Variants in NSD1 observed in about 807,000 individuals in gnomAD.
NSD1 encodes the protein nuclear receptor binding SET domain protein 1.
In NSD1, 26 loss-of-function variants were observed where a neutral mutation model predicts 242.7. The observed-to-expected ratio is 0.11, with a 90% confidence interval of 0.08 to 0.15. The LOEUF is 0.15. Ranked by LOEUF, NSD1 falls within the 10% of genes least tolerant of loss-of-function variation. NSD1 has a pLI of 1.00. For synonymous variants in NSD1, 1,106 were observed against 1,178.1 expected (o/e 0.94, Z 1.25); for missense variants, 2,495 against 3,272.8 (o/e 0.76, Z 5.80).
At chr5:177,285,539 G>C (rs1035062998) in intron 20 of NSD1, among the ~76,000 whole-genome samples, 1 of 142,974 alleles carries the variant, frequency 7.0e-6, no homozygotes, top group Admixed American at 7.0e-5. Context: ...ACTCTAGCCC[G>C]GGCAACAGAG....
At chr5:177,164,149 C>CTTTTTTTTTTTTTTTTTTTT (rs56076836) in intron 2 of NSD1, among the ~76,000 whole-genome samples, 2 of 138,392 alleles carry the variant, frequency 1.4e-5, no homozygotes, top group African/African-American at 5.4e-5. Context: ...AAAATGTAAC[C>CTTTTTTTTTTTTTTTTTTTT]TTTTTTTTTT....
Position 177,135,517 on chromosome 5 carries a change from C to A in NSD1, c.414C>A (p.Leu138=). 1.2e-6 allele frequency: 2 copies of A among 1,614,166 alleles called. No homozygotes were observed. The highest frequency in any genetic ancestry group is 1.7e-6 in the Non-Finnish European group (2 of 1,180,036). ...CCTCTTGTAATAACTCCCCTGAACT[C>A]CAGGTAAAAGTAACAAAGACTATCA... ...QEPSCNNSPE[L]QVKVTKTIKN... is the part of the protein sequence containing the mutation. Residue 138 remains leucine, a synonymous_variant, in exon 2 of 23, where the codon CTC becomes CTA. Coordinates refer to ENST00000439151, the MANE Select transcript of NSD1 (RefSeq NM_022455.5).
chr5:177,134,296 C>T lies in NSD1; in HGVS notation c.-18+344C>T, dbSNP rs1263811138. 2 of 152,050 alleles carry T rather than the reference C, an allele frequency of 1.3e-5. No homozygotes were observed. The highest frequency in any genetic ancestry group is 2.9e-5 in the Non-Finnish European group (2 of 67,974). The allele number at this position is 152,050 out of a possible 1,614,324, so 9.4% of individuals were successfully genotyped here. ...GGCTGCCCTCCCGCAGCAAACTTTG[C>T]TTGCTGCTGAATATTGATGAGAGCG... On this transcript the variant is annotated intron_variant, in intron 1 of 22. Transcript: ENST00000439151. This position sits in a 1 kb window ranked among gnomAD's most constrained non-coding sequence, Gnocchi z 4.2.
intron 14 of NSD1, among the ~76,000 whole-genome samples, chr5:177,260,753 C>T (rs1470694638): frequency 6.6e-6 from 1 of 151,262 alleles, no homozygotes; most frequent in African/African-American, 2.4e-5. Context: ...ACAATTGAAG[C>T]AGTAAAGACA....
intron 5 of NSD1, among the ~76,000 whole-genome samples, chr5:177,234,082 A>G (rs1204044642): frequency 6.6e-6 from 1 of 152,222 alleles, no homozygotes; most frequent in African/African-American, 2.4e-5. Flanking sequence ...CACTGATGAT[A>G]ATGAACAAGG....
Position 177,269,331 on chromosome 5 carries a change from TC to T in NSD1, c.5304-269del, listed in dbSNP as rs1258747637. 2.6e-5 allele frequency among the ~76,000 whole-genome samples: 4 copies of T among 152,210 alleles called. No homozygotes were observed. Among genetic ancestry groups the T allele is most frequent in the Non-Finnish European group, 4.4e-5 (3 of 68,024 alleles). On this transcript the variant is annotated intron_variant, in intron 15 of 22. Transcript: ENST00000439151. The surrounding 1 kb of genome is among the most constrained non-coding windows in gnomAD (Gnocchi z 5.1). ...GAATGTTATTGTCATAACTCTCTGT[TC>T]CTATATCATTATTTCCTTTAAGTAG... is the stretch of plus-strand genomic sequence containing the variant.
At chr5:177,161,103 G>C (rs1758712480) in intron 2 of NSD1, among the ~76,000 whole-genome samples, 1 of 152,082 alleles carries the variant, frequency 6.6e-6, no homozygotes, top group Non-Finnish European at 1.5e-5. Context: ...TTGAGTATGG[G>C]CCAGGCATGG....
intron 11 of NSD1, among the ~76,000 whole-genome samples, chr5:177,250,736 T>C (rs1377706442): frequency 1.3e-5 from 2 of 152,214 alleles, no homozygotes; most frequent in Non-Finnish European, 2.9e-5. Flanking sequence ...CCCTATCAAT[T>C]CCAGGCTACC....
At chr5:177,192,447 A>G (rs1037925326) in intron 3 of NSD1, among the ~76,000 whole-genome samples, 8 of 151,338 alleles carry the variant, frequency 5.3e-5, no homozygotes, top group Admixed American at 1.3e-4. Flanking sequence ...CCCAGGCTGG[A>G]GTGCAGTGGC....
intron 17 of NSD1, among the ~76,000 whole-genome samples, chr5:177,280,229 G>T (rs939564272): frequency 2.0e-5 from 3 of 151,152 alleles, no homozygotes; most frequent in Admixed American, 2.0e-4. Flanking sequence ...CACCTGCCTC[G>T]GCCTCCCAAA....
intron 5 of NSD1, among the ~76,000 whole-genome samples, chr5:177,218,110 A>G (rs543481237): frequency 1.3e-5 from 2 of 152,218 alleles, no homozygotes; most frequent in Admixed American, 1.3e-4. Context: ...GTCAGGTTTT[A>G]CTATGTTGCC....
intron 5 of NSD1, among the ~76,000 whole-genome samples, chr5:177,235,418 C>T (rs548365591): frequency 3.9e-5 from 6 of 152,010 alleles, no homozygotes; most frequent in Non-Finnish European, 8.8e-5. Context: ...TGATCCCAAG[C>T]GTTTCAGATA....
chr5:177,192,578 T>C (rs1247220568), intron 3 of NSD1, among the ~76,000 whole-genome samples: 1 of 152,178 alleles, frequency 6.6e-6, no homozygotes, highest in Non-Finnish European at 1.5e-5. Flanking sequence ...GTATTTTTAG[T>C]AGAAACGGGG....
intron 14 of NSD1, chr5:177,264,796 AC>A (rs1757284435): frequency 1.3e-6 from 1 of 749,332 alleles, no homozygotes; most frequent in Non-Finnish European, 2.4e-6. Flanking sequence ...GAGGAGAGGC[AC>A]CCAGTACATG....
At chr5:177,152,246 T>C (rs1757771145) in intron 2 of NSD1, among the ~76,000 whole-genome samples, 1 of 152,026 alleles carries the variant, frequency 6.6e-6, no homozygotes, top group Admixed American at 6.6e-5. Context: ...GTTCAAGTGG[T>C]CCTCCTGCCT....
At chr5:177,202,078 G>T (rs1328164567) in intron 3 of NSD1, among the ~76,000 whole-genome samples, 1 of 151,764 alleles carries the variant, frequency 6.6e-6, no homozygotes, top group Non-Finnish European at 1.5e-5. Context: ...TGAGGCGGGA[G>T]AATCGCTTGA....
intron 2 of NSD1, among the ~76,000 whole-genome samples, chr5:177,144,219 A>G (rs1409326771): frequency 6.7e-6 from 1 of 148,942 alleles, no homozygotes; most frequent in Non-Finnish European, 1.5e-5. Flanking sequence ...GATATTTTTG[A>G]GTTTTTTTTT....
intron 3 of NSD1, among the ~76,000 whole-genome samples, chr5:177,202,012 C>T (rs1762545582): frequency 6.6e-6 from 1 of 151,742 alleles, no homozygotes; most frequent in African/African-American, 2.4e-5. Context: ...ACTAAAAATA[C>T]AAAAAATTAG....
At chr5:177,259,459 G>A (rs1756812105) in intron 13 of NSD1, among the ~76,000 whole-genome samples, 2 of 152,182 alleles carry the variant, frequency 1.3e-5, no homozygotes, top group African/African-American at 4.8e-5. Flanking sequence ...GAAACCCCAT[G>A]TCTTTATTAA....
Sources: gnomAD v4.1 joint callset for allele counts (sites outside exome capture counted in the v4.1 genomes callset) on GRCh38, gnomAD v4.1.1 for gene constraint, Gnocchi (gnomAD v3.1) non-coding constraint, MANE v1.5 for transcripts, NCBI Gene and HGNC (gene_info 2026-07-23, HGNC 2026-07-21) for gene names.